The following TECTA variants were observed in gnomAD, a reference collection of about 807,000 sequenced individuals.
TECTA encodes tectorin alpha, also known as alpha-tectorin.
Under a neutral mutation model 216.8 loss-of-function variants are expected in TECTA, and 128 were observed. The observed-to-expected ratio is 0.59, with a 90% CI of 0.51 to 0.68. TECTA has a LOEUF of 0.68. TECTA is among the 30% of genes least tolerant of loss of function. TECTA has a pLI of 0.00. For missense variants in TECTA, 2,551 were observed against 2,786.2 expected (o/e 0.92, Z 1.90); for synonymous variants, 1,089 against 1,117.1 (o/e 0.97, Z 0.50).
chr11:121,118,244 C>T (rs1027579987), intron 6 of TECTA, 62 bp from the exon 7 acceptor site: 6 of 1,596,532 alleles, frequency 3.8e-6, no homozygotes, highest in Non-Finnish European at 5.1e-6. Flanking sequence ...GCATTTAGCC[C>T]AATGCCTGGC....
chr11:121,137,645 G>C lies in TECTA; in HGVS notation c.3166G>C (p.Asp1056His). The change falls in exon 11 of 24, where the codon GAC becomes CAC. Residue 1056 changes from aspartate to histidine, a missense_variant. By Grantham distance (81) the Asp-to-His change is moderately conservative. Around this residue, in one of 3 missense-constraint regions of TECTA, gnomAD observed 2,375 missense variants for 2,563.9 expected, o/e 0.93. Transcript: ENST00000392793. ...CAATGAGACCTTCTGGGTGGACCTG[G>C]ACTGCCAGATCTTCTGCTATTGCAG... ...ATNETFWVDL[D>H]CQIFCYCSGT... The C allele has an allele frequency of 3.7e-6, 6 of 1,614,056 alleles. No individual in the cohort carries two copies. The highest frequency in any genetic ancestry group is 5.1e-6 in the Non-Finnish European group (6 of 1,180,014).
intron 22 of TECTA, among the ~76,000 whole-genome samples, 167 bp downstream of exon 22, chr11:121,189,334 T>C (rs978698615): frequency 9.9e-5 from 15 of 151,996 alleles, no homozygotes; most frequent in African/African-American, 3.4e-4. Flanking sequence ...CATTTACTTA[T>C]AAACATTCAG....
At chr11:121,169,772 A>G (rs542780119) in intron 20 of TECTA, among the ~76,000 whole-genome samples, 2 of 152,286 alleles carry the variant, frequency 1.3e-5, no homozygotes, top group East Asian at 3.9e-4. Flanking sequence ...AATAGATGTG[A>G]TATTTTGACA....
chr11:121,190,276 C>T (rs1420853209), intron 23 of TECTA, among the ~76,000 whole-genome samples: 1 of 152,084 alleles, frequency 6.6e-6, no homozygotes, highest in Non-Finnish European at 1.5e-5. Flanking sequence ...GGACTCTCTT[C>T]CTTTTTGAGA....
Position 121,173,462 on chromosome 11 carries a change from CT to C in TECTA, c.5999+4539del, listed in dbSNP as rs960576708. The stretch of plus-strand genomic sequence containing the variant: ...TAAATAGGGAATCCTTTCCCCATTG[CT>C]TGTTTTTCTCAGGTTTGTCAAAGAT... On this transcript the variant is annotated intron_variant, in intron 20 of 23. Coordinates refer to ENST00000392793, the MANE Select transcript of TECTA (RefSeq NM_005422.4). Among the ~76,000 whole-genome samples, 4 of 127,770 alleles carry C rather than the reference CT, an allele frequency of 3.1e-5. No individual in the cohort carries two copies. In the Admixed American group the frequency reaches 3.2e-4, roughly 10 times the overall value. The allele number at this position is 127,770 out of a possible 152,430, so 83.8% of individuals were successfully genotyped here.
chr11:121,141,615 C>T (rs766488748), intron 11 of TECTA, among the ~76,000 whole-genome samples: 1 of 152,248 alleles, frequency 6.6e-6, no homozygotes, highest in African/African-American at 2.4e-5. Flanking sequence ...CCCCCACCCT[C>T]AGGCTTCATC....
intron 11 of TECTA, among the ~76,000 whole-genome samples, chr11:121,140,223 C>A (rs901325896): frequency 2.0e-5 from 3 of 152,006 alleles, no homozygotes; most frequent in African/African-American, 7.3e-5. Context: ...TTTCAGACAT[C>A]CTCCCAGTTC....
At chr11:121,172,174 A>G (rs796357126) in intron 20 of TECTA, among the ~76,000 whole-genome samples, 7 of 151,800 alleles carry the variant, frequency 4.6e-5, no homozygotes, top group African/African-American at 1.5e-4. Flanking sequence ...TTTATTGTTC[A>G]TTCTTTTTTT....
At chr11:121,186,015 C>G (rs10892685) in intron 20 of TECTA, among the ~76,000 whole-genome samples, 1,034 of 54,684 alleles carry the variant, frequency 0.019, 9 homozygotes, top group Non-Finnish European at 0.024. Flanking sequence ...AGCAGATGTT[C>G]AATGCTTAAT....
intron 15 of TECTA, 54 bp from the exon 16 acceptor site, chr11:121,162,021 T>C: frequency 6.2e-7 from 1 of 1,610,718 alleles, no homozygotes; most frequent in South Asian, 1.1e-5. Flanking sequence ...AGATGCAATT[T>C]ACCTTCCATT....
chr11:121,166,289 T>A (rs1305613408), intron 17 of TECTA, among the ~76,000 whole-genome samples: 2 of 152,196 alleles, frequency 1.3e-5, no homozygotes, highest in African/African-American at 4.8e-5. Context: ...TACAGAAAAG[T>A]AGCTGCCACC....
intron 12 of TECTA, 109 bp from the exon 13 acceptor site, chr11:121,152,772 G>GCCT: frequency 2.5e-6 from 3 of 1,176,746 alleles, no homozygotes; most frequent in Non-Finnish European, 3.6e-6. Context: ...CCTGGCTCCT[G>GCCT]CCTCTCCCCG....
chr11:121,173,126 C>T (rs960504852), intron 20 of TECTA, among the ~76,000 whole-genome samples: 7 of 152,068 alleles, frequency 4.6e-5, no homozygotes, highest in Non-Finnish European at 5.9e-5. Flanking sequence ...AAATTTTCTC[C>T]CATTTTGCAG....
intron 20 of TECTA, among the ~76,000 whole-genome samples, chr11:121,184,108 GC>G (rs1192880967): frequency 6.6e-6 from 1 of 152,184 alleles, no homozygotes; most frequent in Non-Finnish European, 1.5e-5. Context: ...AATTCTTAAA[GC>G]AGGTGAATGT....
intron 10 of TECTA, 144 bp from the exon 11 acceptor site, chr11:121,137,277 T>C: frequency 9.2e-7 from 1 of 1,084,368 alleles, no homozygotes; most frequent in South Asian, 1.3e-5. Context: ...CATGCACAAA[T>C]GCATGCATAC....
At chr11:121,186,305 G>A (rs943365988) in intron 20 of TECTA, among the ~76,000 whole-genome samples, 3 of 152,250 alleles carry the variant, frequency 2.0e-5, no homozygotes, top group African/African-American at 4.8e-5. Context: ...TTGTAAGTCT[G>A]GGGACATGCA....
chr11:121,153,905 T>A (rs1318383988), intron 13 of TECTA, among the ~76,000 whole-genome samples: 1 of 152,196 alleles, frequency 6.6e-6, no homozygotes, highest in African/African-American at 2.4e-5. Context: ...CAAAACCATA[T>A]GTTGGCAAGT....
intron 20 of TECTA, among the ~76,000 whole-genome samples, chr11:121,179,067 T>C (rs538965810): frequency 3.9e-5 from 6 of 152,254 alleles, no homozygotes; most frequent in African/African-American, 1.2e-4. Context: ...TTTGCTTGTT[T>C]TGATCTCTAC....
chr11:121,109,151 G>A (rs754102617), intron 3 of TECTA, 60 bp from the exon 4 acceptor site: 6 of 1,589,566 alleles, frequency 3.8e-6, no homozygotes, highest in African/African-American at 2.7e-5. Context: ...GTCTTGGTTT[G>A]TGACTCTGAA....
Sources: gnomAD v4.1 joint callset for allele counts (sites outside exome capture counted in the v4.1 genomes callset) on GRCh38, gnomAD v4.1.1 for gene constraint, gnomAD v4.1.1 regional missense constraint, MANE v1.5 for transcripts, NCBI Gene and HGNC (gene_info 2026-07-23, HGNC 2026-07-21) for gene names.